The following EPN2 variants were observed in gnomAD, a reference collection of about 807,000 sequenced individuals.
EPN2 encodes epsin 2, also known as epsin-2.
A neutral mutation model predicts 61.7 loss-of-function variants in EPN2; 34 were observed. The observed-to-expected ratio is 0.55, with a 90% CI of 0.42 to 0.73. The LOEUF is 0.73. Among genes scored for constraint, EPN2 ranks in the 30% least tolerant of loss-of-function variants. EPN2 has a pLI of 0.00. For synonymous variants in EPN2, 349 were observed against 353.6 expected (o/e 0.99, Z 0.15); for missense variants, 714 against 839.2 (o/e 0.85, Z 1.84).
chr17:19,293,694 C>G (rs556860845), intron 4 of EPN2, among the ~76,000 whole-genome samples: 1 of 152,068 alleles, frequency 6.6e-6, no homozygotes, highest in African/African-American at 2.4e-5. Flanking sequence ...AGCCACCACA[C>G]TCAGCCAGGA....
chr17:19,335,286 G>A lies in EPN2; in HGVS notation c.*1032G>A. ...GATTGACTTTCAGCCTTTTTGGCTA[G>A]ATCCTGAGAGGCTATTTTTCTTACG... On this transcript the variant is annotated 3_prime_UTR_variant, in exon 11 of 11. Coordinates refer to ENST00000314728, the MANE Select transcript of EPN2 (RefSeq NM_014964.5). 1 of 1,028,644 alleles carries A rather than the reference G, an allele frequency of 9.7e-7. No homozygotes were observed. The highest frequency in any genetic ancestry group is 1.4e-6 in the Non-Finnish European group (1 of 722,334). The allele number at this position is 1,028,644 out of a possible 1,614,324, so 63.7% of individuals were successfully genotyped here.
At chr17:19,295,374 G>GCA (rs2045508996) in intron 4 of EPN2, among the ~76,000 whole-genome samples, 1 of 102,624 alleles carries the variant, frequency 9.7e-6, no homozygotes, top group African/African-American at 4.1e-5. Flanking sequence ...ACACGCGCGT[G>GCA]CGCGCAAAAT....
intron 10 of EPN2, 119 bp from the exon 11 acceptor site, chr17:19,333,837 C>A: frequency 1.3e-6 from 1 of 753,004 alleles, no homozygotes; most frequent in Non-Finnish European, 2.0e-6. Flanking sequence ...TCGGCCGGCA[C>A]TGTCACGGGC....
At chr17:19,274,034 A>T (rs1384452838) in intron 1 of EPN2, 3 of 152,228 alleles carry the variant, frequency 2.0e-5, no homozygotes, top group Middle Eastern at 3.4e-3. Context: ...TGATCGTTGT[A>T]CCCTTTTCTC....
chr17:19,257,507 TTCTC>T (rs1555595917), intron 1 of EPN2, among the ~76,000 whole-genome samples: 28 of 148,104 alleles, frequency 1.9e-4, no homozygotes, highest in South Asian at 6.4e-4. Flanking sequence ...TTGATTTATT[TTCTC>T]TCTCTCTCTC....
rs548405915 is a variant in EPN2 at position 19,316,637 on chromosome 17, G to T, written c.1147+3358G>T. 2.0e-5 allele frequency among the ~76,000 whole-genome samples: 3 copies of T among 152,298 alleles called. No homozygotes were observed. In the East Asian group the frequency reaches 5.8e-4, roughly 29 times the overall value. The stretch of plus-strand genomic sequence containing the variant: ...TTTCTGGGCATTATGTTTTTACTCA[G>T]TTGAAGCTATATTGTATATATAATT... On this transcript the variant is annotated intron_variant, in intron 7 of 10. Transcript: ENST00000314728.
intron 1 of EPN2, among the ~76,000 whole-genome samples, chr17:19,276,007 C>T (rs1042536901): frequency 6.6e-6 from 1 of 152,200 alleles, no homozygotes; most frequent in African/African-American, 2.4e-5. Context: ...GTGTGGTTAA[C>T]AATTGTTATC....
chr17:19,296,276 G>A (rs1405850474), intron 4 of EPN2, among the ~76,000 whole-genome samples: 6 of 151,780 alleles, frequency 4.0e-5, no homozygotes, highest in Admixed American at 6.6e-5. Context: ...TCAGCCTCCC[G>A]AGTAGCTGGG....
At position 19,279,840 on chromosome 17, in the gene EPN2, C is replaced by CT. The variant is rs749421925; in HGVS notation, c.-293-2101dup. ...TCTTTTTTTTCTTTACTTTTCTTTTCTTTTTTTTTTTTTTGAGACAGGGTC... is the reference window on the plus strand; with the variant it reads ...TCTTTTTTTTCTTTACTTTTCTTTTCTTTTTTTTTTTTTTTGAGACAGGGTC... On this transcript the variant is annotated intron_variant, in intron 1 of 10. Coordinates refer to ENST00000314728, the MANE Select transcript of EPN2 (RefSeq NM_014964.5). 845 of 126,286 alleles carry CT rather than the reference C, an allele frequency of 6.7e-3. 8 individuals carry two copies. Among genetic ancestry groups the CT allele is most frequent in the African/African-American group, 0.017 (583 of 34,162 alleles). The allele number at this position is 126,286 out of a possible 1,614,324, so 7.8% of individuals were successfully genotyped here.
intron 1 of EPN2, among the ~76,000 whole-genome samples, chr17:19,254,106 T>TG (rs1156813374): frequency 7.3e-6 from 1 of 137,152 alleles, no homozygotes; most frequent in Non-Finnish European, 1.5e-5. Flanking sequence ...TACTCCAGCC[T>TG]GGGCGACAGA....
chr17:19,272,526 G>A (rs1260807968), intron 1 of EPN2, among the ~76,000 whole-genome samples: 1 of 152,106 alleles, frequency 6.6e-6, no homozygotes, highest in African/African-American at 2.4e-5. Flanking sequence ...GATTTGGGGT[G>A]AGCATCTGGT....
chr17:19,284,787 G>A (rs2045388803), intron 3 of EPN2, among the ~76,000 whole-genome samples: 1 of 152,182 alleles, frequency 6.6e-6, no homozygotes, highest in South Asian at 2.1e-4. Context: ...TGAGAAATGT[G>A]TTAAATGAGA....
intron 1 of EPN2, among the ~76,000 whole-genome samples, chr17:19,266,762 T>C (rs2045202904): frequency 6.6e-6 from 1 of 151,858 alleles, no homozygotes; most frequent in Non-Finnish European, 1.5e-5. Context: ...CCAAAAAAAT[T>C]AGTAACAACC....
chr17:19,329,692 A>G (rs775403826), intron 9 of EPN2, 45 bp downstream of exon 9: 3 of 1,138,636 alleles, frequency 2.6e-6, no homozygotes, highest in Non-Finnish European at 3.9e-6. Context: ...CGTGCATTTG[A>G]CCAGCTGAGT....
chr17:19,324,441 C>T (rs1906775171), intron 7 of EPN2, among the ~76,000 whole-genome samples: 1 of 152,218 alleles, frequency 6.6e-6, no homozygotes, highest in Admixed American at 6.5e-5. Flanking sequence ...TCAAGCAATT[C>T]TCCTGCCTCA....
intron 1 of EPN2, among the ~76,000 whole-genome samples, chr17:19,247,915 C>T (rs937299358): frequency 1.3e-5 from 2 of 152,152 alleles, no homozygotes; most frequent in Non-Finnish European, 2.9e-5. Context: ...TTGGATTTGA[C>T]TCCCTGGGAG....
intron 4 of EPN2, among the ~76,000 whole-genome samples, chr17:19,303,411 A>G (rs1277969787): frequency 1.3e-5 from 2 of 152,204 alleles, no homozygotes; most frequent in South Asian, 4.1e-4. Context: ...AGTCTGTGTC[A>G]TGGCAGCACG....
intron 1 of EPN2, among the ~76,000 whole-genome samples, chr17:19,245,528 C>T (rs1265959761): frequency 6.6e-6 from 1 of 151,466 alleles, no homozygotes; most frequent in African/African-American, 2.4e-5. Flanking sequence ...CCTCTGCCTC[C>T]CAGGTTCAAG....
At position 19,335,561 on chromosome 17, in the gene EPN2, TG is replaced by T. The variant is rs1459060040; in HGVS notation, c.*1313del. 14 of 1,236,022 alleles carry T rather than the reference TG, an allele frequency of 1.1e-5. No individual in the cohort carries two copies. The highest frequency in any genetic ancestry group is 3.1e-5 in the African/African-American group (2 of 65,118). 76.6% of individuals were successfully genotyped at this position (1,236,022 alleles called of 1,614,324 possible). ...TGGCAGTTGTCCCGAGGGCGTGGGGTGGGGGGTGCTTCTGTGCCCACGGGTC... is the reference window on the plus strand; with the variant it reads ...TGGCAGTTGTCCCGAGGGCGTGGGGTGGGGGTGCTTCTGTGCCCACGGGTC... On this transcript the variant is annotated 3_prime_UTR_variant, in exon 11 of 11. Transcript: ENST00000314728.
Sources: gnomAD v4.1 joint callset for allele counts (sites outside exome capture counted in the v4.1 genomes callset) on GRCh38, gnomAD v4.1.1 for gene constraint, MANE v1.5 for transcripts, NCBI Gene and HGNC (gene_info 2026-07-23, HGNC 2026-07-21) for gene names.